Variants in KCNH1 observed in about 807,000 individuals in gnomAD.
The protein encoded by KCNH1 is potassium voltage-gated channel subfamily H member 1, also known as voltage-gated delayed rectifier potassium channel KCNH1.
In KCNH1, 27 loss-of-function variants were observed where a neutral mutation model predicts 69.2. That is an observed-to-expected ratio of 0.39 (90% CI 0.29 to 0.54). The LOEUF (loss-of-function observed/expected upper bound fraction) is 0.54, where lower values mean the gene tolerates loss of function less well. Among genes scored for constraint, KCNH1 ranks in the 20% least tolerant of loss-of-function variants. KCNH1 has a pLI of 0.68. For synonymous variants in KCNH1, 456 were observed against 487.7 expected, an observed-to-expected ratio of 0.93 and a Z score of 0.86; for missense variants, 798 against 1,261.6, an observed-to-expected ratio of 0.63 and a Z score of 5.57.
At chr1:210,781,122 C>A (rs1683972388) in intron 9 of KCNH1, among the ~76,000 whole-genome samples, 2 of 152,202 alleles carry the variant, frequency 1.3e-5, no homozygotes, top group Admixed American at 1.3e-4. Context: ...TCTGTTCCTT[C>A]ATTCACCTGT....
At chr1:210,753,126 A>G (rs1454879757) in intron 10 of KCNH1, among the ~76,000 whole-genome samples, 1 of 152,194 alleles carries the variant, frequency 6.6e-6, no homozygotes, top group Non-Finnish European at 1.5e-5. Flanking sequence ...TGAAAGTGTG[A>G]GAGAATAAAT....
At position 210,862,366 on chromosome 1, in the gene KCNH1, G is replaced by A. The variant is rs141681337; in HGVS notation, c.1462+57274C>T. The A allele has an allele frequency of 2.9e-4, 191 of 651,100 alleles. 1 individual carries two copies. Among genetic ancestry groups the A allele is most frequent in the African/African-American group, 2.6e-3 (143 of 55,374 alleles). The allele number at this position is 651,100 out of a possible 1,614,324, so 40.3% of individuals were successfully genotyped here. A position where few individuals can be genotyped will look rare whatever the true frequency, so the allele number is the denominator to read the frequency against. ...TACTCACTGCACACATGGACCTGCC[G>A]CAGCGGCAACTGGCGCAAAAGGGCA... On this transcript the variant is annotated intron_variant, in intron 7 of 10. Coordinates refer to ENST00000271751, the MANE Select transcript of KCNH1 (RefSeq NM_172362.3).
At chr1:211,087,663 A>C (rs1026890369) in intron 4 of KCNH1, among the ~76,000 whole-genome samples, 15 of 136,526 alleles carry the variant, frequency 1.1e-4, no homozygotes, top group East Asian at 2.1e-4. Flanking sequence ...ACACACACAC[A>C]CCCCAGAGCT....
intron 7 of KCNH1, among the ~76,000 whole-genome samples, chr1:210,851,693 G>A (rs1047684076): frequency 6.6e-6 from 1 of 152,180 alleles, no homozygotes; most frequent in African/African-American, 2.4e-5. Flanking sequence ...ATGTGGTATA[G>A]CCTGTTGCTC....
At chr1:210,794,470 A>G (rs1027392648) in intron 9 of KCNH1, among the ~76,000 whole-genome samples, 1 of 152,226 alleles carries the variant, frequency 6.6e-6, no homozygotes, top group Admixed American at 6.5e-5. Flanking sequence ...GAGGGCCCCA[A>G]GTAGAGGCCC....
chr1:210,908,780 C>T (rs561642896), intron 7 of KCNH1, among the ~76,000 whole-genome samples: 35 of 152,138 alleles, frequency 2.3e-4, no homozygotes, highest in Non-Finnish European at 5.1e-4. Context: ...CTCAGCCACC[C>T]CCATTCCTGC....
intron 1 of KCNH1, among the ~76,000 whole-genome samples, chr1:211,124,219 A>G (rs1460558733): frequency 6.6e-6 from 1 of 152,210 alleles, no homozygotes; most frequent in Non-Finnish European, 1.5e-5. Flanking sequence ...TAGGTAACCA[A>G]CTCACTGAAC....
chr1:211,005,649 A>T (rs571555760), intron 6 of KCNH1, among the ~76,000 whole-genome samples: 1 of 152,322 alleles, frequency 6.6e-6, no homozygotes, highest in African/African-American at 2.4e-5. Context: ...GAAAACAATA[A>T]AACTAGCGGA....
chr1:211,021,574 CTA>C (rs1491410928), intron 5 of KCNH1, among the ~76,000 whole-genome samples: 2 of 112,252 alleles, frequency 1.8e-5, no homozygotes, highest in Non-Finnish European at 3.7e-5. Flanking sequence ...GAAACATAGA[CTA>C]CACACACACA....
intron 3 of KCNH1, among the ~76,000 whole-genome samples, chr1:211,095,229 T>C (rs1691125123): frequency 6.6e-6 from 1 of 152,194 alleles, no homozygotes; most frequent in African/African-American, 2.4e-5. Flanking sequence ...ATGGAAAAAC[T>C]GAGAAAAGTA....
At chr1:210,859,157 G>A (rs1685919808) in intron 7 of KCNH1, 2 of 1,437,302 alleles carry the variant, frequency 1.4e-6, no homozygotes, top group Admixed American at 1.7e-5. Flanking sequence ...TCACACAGTA[G>A]GAAAGAAAGA....
At chr1:211,077,510 G>T (rs899804098) in intron 5 of KCNH1, among the ~76,000 whole-genome samples, 2 of 152,114 alleles carry the variant, frequency 1.3e-5, no homozygotes, top group Non-Finnish European at 2.9e-5. Context: ...GCCAAACTAA[G>T]CTTCATAAGC....
At chr1:211,051,910 G>A (rs1008064699) in intron 5 of KCNH1, among the ~76,000 whole-genome samples, 2 of 152,006 alleles carry the variant, frequency 1.3e-5, no homozygotes, top group Non-Finnish European at 2.9e-5. Flanking sequence ...AGGAGGATTC[G>A]GGTCAGTCTG....
intron 9 of KCNH1, among the ~76,000 whole-genome samples, chr1:210,783,826 G>C (rs1318534681): frequency 6.6e-6 from 1 of 152,176 alleles, no homozygotes; most frequent in Non-Finnish European, 1.5e-5. Flanking sequence ...TGTTGGAGCA[G>C]CTGAACCTGC....
chr1:210,986,871 C>A (rs1281497165), intron 6 of KCNH1, among the ~76,000 whole-genome samples: 1 of 152,228 alleles, frequency 6.6e-6, no homozygotes, highest in Non-Finnish European at 1.5e-5. Flanking sequence ...TAATATCCTG[C>A]AGAGTGTTTT....
intron 6 of KCNH1, among the ~76,000 whole-genome samples, chr1:210,963,090 G>T (rs1377564531): frequency 6.6e-6 from 1 of 151,304 alleles, no homozygotes; most frequent in African/African-American, 2.4e-5. Flanking sequence ...TTTTCTTCAT[G>T]CTGTCTCTGC....
chr1:210,933,377 C>T (rs759840167), intron 6 of KCNH1, among the ~76,000 whole-genome samples: 5 of 146,746 alleles, frequency 3.4e-5, no homozygotes, highest in African/African-American at 5.0e-5. Flanking sequence ...GTGGGGGGAG[C>T]GGGGAGGGAT....
rs1416052603 is a variant in KCNH1 at position 210,959,437 on chromosome 1, AC to A, written c.1033-39369del. On this transcript the variant is annotated intron_variant, in intron 6 of 10. Transcript: ENST00000271751. ...GCTCAAACGCCATGCTGGGAGAACCACTGCTCTCTTCAGAGCTGACAGACAT... is the reference window on the plus strand; with the variant it reads ...GCTCAAACGCCATGCTGGGAGAACCATGCTCTCTTCAGAGCTGACAGACAT... Among the ~76,000 whole-genome samples, 7 of 152,330 alleles carry A rather than the reference AC, an allele frequency of 4.6e-5. 1 individual carries two copies. In the South Asian group the frequency reaches 1.5e-3, roughly 32 times the overall value.
At position 210,684,037 on chromosome 1, in the gene KCNH1, C is replaced by A; in HGVS notation, c.2214G>T (p.Arg738=). Residue 738 remains arginine (R), a synonymous_variant, in exon 11 of 11, where the codon CGG becomes CGT. Coordinates refer to ENST00000271751, the MANE Select transcript of KCNH1 (RefSeq NM_172362.3). Reference sequence around the variant, plus strand: ...GCTGTCGGAATCTCTGGAAGAGGCGCCGGACAGGGTGGTCCGGGGGCAAGA... The same window carrying A: ...GCTGTCGGAATCTCTGGAAGAGGCGACGGACAGGGTGGTCCGGGGGCAAGA... The part of the protein sequence containing the change: ...PLILPPDHPV[R]RLFQRFRQQK... 6.3e-7 allele frequency: 1 copy of A among 1,577,642 alleles called. No homozygotes were observed. The highest frequency in any genetic ancestry group is 8.6e-7 in the Non-Finnish European group (1 of 1,157,610).
Sources: allele counts gnomAD v4.1 joint callset (sites outside exome capture counted in the v4.1 genomes callset), GRCh38; gene constraint gnomAD v4.1.1; transcripts MANE v1.5; gene names NCBI Gene and HGNC (gene_info 2026-07-23, HGNC 2026-07-21).